SCIMP: variants seen among roughly 807,000 people sequenced by gnomAD.
SCIMP encodes the protein SLP adaptor and CSK interacting membrane protein.
Under a neutral mutation model 22.0 loss-of-function variants are expected in SCIMP, and 18 were observed. The observed-to-expected ratio is 0.82, with a 90% CI of 0.56 to 1.21. SCIMP has a LOEUF of 1.21. Ranked by LOEUF, SCIMP falls within the 50% of genes most tolerant of loss-of-function variation. The pLI is 0.00. For synonymous variants in SCIMP, 53 were observed against 62.2 expected (o/e 0.85, Z 0.70); for missense variants, 155 against 171.2 (o/e 0.91, Z 0.53).
intron 1 of SCIMP, among the ~76,000 whole-genome samples, chr17:5,228,101 G>A (rs1004705166): frequency 1.3e-4 from 20 of 152,110 alleles, no homozygotes; most frequent in African/African-American, 4.8e-4. Flanking sequence ...GACACTGGGA[G>A]GCGGAGGTTG....
At chr17:5,233,650 C>T (rs1567845665) in intron 1 of SCIMP, among the ~76,000 whole-genome samples, 1 of 152,104 alleles carries the variant, frequency 6.6e-6, no homozygotes. Flanking sequence ...GGATTAGAGG[C>T]GTGAGCCACC....
At chr17:5,232,329 G>A (rs1597297502) in intron 1 of SCIMP, among the ~76,000 whole-genome samples, 2 of 151,026 alleles carry the variant, frequency 1.3e-5, no homozygotes, top group South Asian at 4.1e-4. Context: ...GGGGTGTGGG[G>A]GACTAAGAAA....
intron 1 of SCIMP, among the ~76,000 whole-genome samples, chr17:5,233,585 C>A (rs1178360240): frequency 4.6e-5 from 7 of 152,064 alleles, no homozygotes; most frequent in African/African-American, 9.7e-5. Flanking sequence ...GTTGGCCAGG[C>A]TGGTCTTGAT....
intron 4 of SCIMP, chr17:5,213,163 A>G: frequency 1.0e-6 from 1 of 984,774 alleles, no homozygotes; most frequent in Non-Finnish European, 1.2e-6. Context: ...CTTTCTGTTT[A>G]TGTTCCAAGC....
rs1438461730 is a variant in SCIMP, at chr17:5,210,650, G to T, written c.*151C>A. 2.0e-6 allele frequency: 2 copies of T among 1,021,648 alleles called. No homozygotes were observed. Among genetic ancestry groups the T allele is most frequent in the East Asian group, 5.3e-5 (2 of 37,514 alleles). 63.3% of individuals were successfully genotyped at this position (1,021,648 alleles called of 1,614,324 possible). A position where few individuals can be genotyped will look rare whatever the true frequency, so the allele number is the denominator to read the frequency against. Reference sequence around the variant, plus strand: ...CGATCGCAGGGGTGTCTTCATCTAAGGTTTGGGAAGTGCTTTATCTTATAG... The same window carrying T: ...CGATCGCAGGGGTGTCTTCATCTAATGTTTGGGAAGTGCTTTATCTTATAG... On this transcript the variant is annotated 3_prime_UTR_variant, in exon 5 of 5. Coordinates refer to ENST00000574081, the MANE Select transcript of SCIMP (RefSeq NM_207103.3).
chr17:5,234,357 A>G (rs2144358466), intron 1 of SCIMP, among the ~76,000 whole-genome samples: 1 of 146,462 alleles, frequency 6.8e-6, no homozygotes, highest in South Asian at 2.1e-4. Context: ...CAGTCTTCTC[A>G]CATAACAAGT....
chr17:5,223,672 C>A, intron 1 of SCIMP: 1 of 477,882 alleles, frequency 2.1e-6, no homozygotes, highest in African/African-American at 2.0e-5. Flanking sequence ...GCCTCAGCCT[C>A]CAGAGTAACG....
At chr17:5,232,503 C>T (rs1354828291) in intron 1 of SCIMP, among the ~76,000 whole-genome samples, 3 of 150,994 alleles carry the variant, frequency 2.0e-5, no homozygotes, top group East Asian at 2.0e-4. Flanking sequence ...GTGGGCTCCT[C>T]GGGAGTCCAC....
intron 4 of SCIMP, 84 bp downstream of exon 4, chr17:5,214,838 TAAA>T (rs34085108): frequency 0.11 from 46,086 of 438,016 alleles, 2 homozygotes; most frequent in Non-Finnish European, 0.12. Flanking sequence ...AGACTCCATC[TAAA>T]AAAAAAAAAA....
In SCIMP at chr17:5,216,200, A is replaced by AAAATAAAT. The variant is rs372847208; in HGVS notation, c.210-1210_210-1203dup. ...CTGGTTGAGAGTGAGACCTTGTCTC[A>AAAATAAAT]AAATAAATAAATAAATAAATAAATA... On this transcript the variant is annotated intron_variant, in intron 3 of 4. Coordinates refer to ENST00000574081, the MANE Select transcript of SCIMP (RefSeq NM_207103.3). Among the ~76,000 whole-genome samples, 53 of 152,150 alleles carry AAAATAAAT rather than the reference A, an allele frequency of 3.5e-4. No individual in the cohort carries two copies. The East Asian group carries it at 6.6e-3, about 19-fold the overall frequency.
chr17:5,232,886 A>G lies in SCIMP; in HGVS notation c.21+1849T>C, dbSNP rs778476068. Among the ~76,000 whole-genome samples the G allele has an allele frequency of 2.8e-4, 43 of 151,824 alleles. 1 individual carries two copies. The highest frequency in any genetic ancestry group is 1.9e-4 in the Non-Finnish European group (13 of 67,932). ...CACCATACCCGGCTAATTTTTGTGTATTTTTAGTAGAGATGGGGTTTTGCC... is the reference window on the plus strand; with the variant it reads ...CACCATACCCGGCTAATTTTTGTGTGTTTTTAGTAGAGATGGGGTTTTGCC... On this transcript the variant is annotated intron_variant, in intron 1 of 4. Transcript: ENST00000574081.
intron 3 of SCIMP, chr17:5,220,910 T>A (rs756507396): frequency 2.9e-6 from 1 of 342,510 alleles, no homozygotes; most frequent in Non-Finnish European, 5.7e-6. Flanking sequence ...ATACAAAAAT[T>A]AGGCAGGCAT....
At position 5,213,171 on chromosome 17, in the gene SCIMP, A is replaced by G. The variant is rs566688165; in HGVS notation, c.283+1754T>C. 2.2e-5 allele frequency: 22 copies of G among 985,004 alleles called. No individual in the cohort carries two copies. The African/African-American group carries it at 3.8e-4, about 17-fold the overall frequency. The allele number at this position is 985,004 out of a possible 1,614,324, so 61.0% of individuals were successfully genotyped here. ...CATGTTTCTTTCTGTTTATGTTCCA[A>G]GCTGGGATTTGAACATGAATTTACA... On this transcript the variant is annotated intron_variant, in intron 4 of 4. Transcript: ENST00000574081.
chr17:5,218,798 A>G (rs993263655), intron 3 of SCIMP, among the ~76,000 whole-genome samples: 3 of 152,120 alleles, frequency 2.0e-5, no homozygotes, highest in African/African-American at 7.2e-5. Flanking sequence ...AGAGATTTAA[A>G]AATGTTTTGT....
chr17:5,215,799 G>A (rs990602475), intron 3 of SCIMP, among the ~76,000 whole-genome samples: 13 of 152,050 alleles, frequency 8.5e-5, no homozygotes, highest in African/African-American at 2.9e-4. Flanking sequence ...AATTGGACAC[G>A]ACCTGTATTA....
chr17:5,234,655 A>G, intron 1 of SCIMP, 80 bp downstream of exon 1: 2 of 1,466,790 alleles, frequency 1.4e-6, no homozygotes, highest in Non-Finnish European at 1.9e-6. Flanking sequence ...GCTCCCAGGG[A>G]CACGCCCTGA....
chr17:5,225,232 A>T (rs2074638340), intron 1 of SCIMP, among the ~76,000 whole-genome samples: 1 of 152,184 alleles, frequency 6.6e-6, no homozygotes. Flanking sequence ...TGGGAGGCTG[A>T]GGAGGGCAGA....
In SCIMP at chr17:5,210,474, G is replaced by A. The variant is rs1196124349; in HGVS notation, c.*327C>T. ...ATGCAAACCAAAGGGAATGAAGGGG[G>A]AAAGAATGCCAAGAAATGAGTAGTT... On this transcript the variant is annotated 3_prime_UTR_variant, in exon 5 of 5. Transcript: ENST00000574081. 4 of 229,278 alleles carry A rather than the reference G, an allele frequency of 1.7e-5. No individual in the cohort carries two copies. The highest frequency in any genetic ancestry group is 3.4e-5 in the Non-Finnish European group (4 of 116,986). 14.2% of individuals were successfully genotyped at this position (229,278 alleles called of 1,614,324 possible).
intron 3 of SCIMP, among the ~76,000 whole-genome samples, chr17:5,217,569 C>T (rs1346378608): frequency 3.9e-5 from 5 of 127,662 alleles, no homozygotes; most frequent in African/African-American, 5.8e-5. Context: ...CCCCTCCCCC[C>T]ACCCCACAAC....
Sources: gnomAD v4.1 joint callset for allele counts (sites outside exome capture counted in the v4.1 genomes callset) on GRCh38, gnomAD v4.1.1 for gene constraint, MANE v1.5 for transcripts, NCBI Gene and HGNC (gene_info 2026-07-23, HGNC 2026-07-21) for gene names.